The following SIK2 variants were observed in gnomAD, a reference collection of about 807,000 sequenced individuals.
SIK2 encodes serine/threonine-protein kinase SIK2.
A neutral mutation model predicts 103.2 loss-of-function variants in SIK2; 29 were observed. The observed-to-expected ratio is 0.28, with a 90% CI of 0.21 to 0.38. The LOEUF is 0.38. Among genes scored for constraint, SIK2 ranks in the 10% least tolerant of loss-of-function variants. SIK2 has a pLI of 1.00. For missense variants in SIK2, 879 were observed against 1,171.0 expected (o/e 0.75, Z 3.64); for synonymous variants, 412 against 446.1 (o/e 0.92, Z 0.96).
chr11:111,609,768 T>G (rs1941695531), intron 1 of SIK2, among the ~76,000 whole-genome samples: 1 of 152,264 alleles, frequency 6.6e-6, no homozygotes, highest in African/African-American at 2.4e-5. Context: ...TTTCAGAAAG[T>G]CTTTCATTAT....
rs1358983736 is a variant in SIK2, at chr11:111,729,797, T to TGGCCGTGCACTGAACCAGGC, written c.*5669_*5688dup. 6.6e-6 allele frequency: 1 copy of TGGCCGTGCACTGAACCAGGC among 152,298 alleles called. No homozygotes were observed. Among genetic ancestry groups the TGGCCGTGCACTGAACCAGGC allele is most frequent in the East Asian group, 1.9e-4 (1 of 5,206 alleles). The allele number at this position is 152,298 out of a possible 1,614,324, so 9.4% of individuals were successfully genotyped here. On this transcript the variant is annotated 3_prime_UTR_variant, in exon 15 of 15. Coordinates refer to ENST00000304987, the MANE Select transcript of SIK2 (RefSeq NM_015191.3). ...TCAGGTGACAGTGCAGCTGTCCAGGTGGCCGTGCACTGAACCAGGCTGAGG... is the reference window on the plus strand; with the variant it reads ...TCAGGTGACAGTGCAGCTGTCCAGGTGGCCGTGCACTGAACCAGGCGGCCGTGCACTGAACCAGGCTGAGG...
At chr11:111,697,298 G>T (rs1168539868) in intron 4 of SIK2, among the ~76,000 whole-genome samples, 1 of 152,146 alleles carries the variant, frequency 6.6e-6, no homozygotes, top group Non-Finnish European at 1.5e-5. Context: ...TTTAAGAGGT[G>T]GGAACAACAT....
chr11:111,675,889 C>T (rs146684672), intron 3 of SIK2, among the ~76,000 whole-genome samples: 33 of 152,292 alleles, frequency 2.2e-4, no homozygotes, highest in African/African-American at 7.2e-4. Flanking sequence ...CATCTTTCAA[C>T]CCTCACCCTC....
rs752894116 is a variant in SIK2, at chr11:111,687,984, C to A, written c.317-17C>A. 21 of 1,610,720 alleles carry A rather than the reference C, an allele frequency of 1.3e-5. No homozygotes were observed. In the African/African-American group the frequency reaches 2.1e-4, roughly 16 times the overall value. On this transcript the variant is annotated splice_polypyrimidine_tract_variant and intron_variant, in intron 3 of 14. Coordinates refer to ENST00000304987, the MANE Select transcript of SIK2 (RefSeq NM_015191.3). ...TTTATTTTGGTGACTAATTCTTAAT[C>A]CTCTCTTCATTTACAGACTATCTTG...
chr11:111,718,148 G>A (rs539653875), intron 9 of SIK2, among the ~76,000 whole-genome samples: 47 of 152,286 alleles, frequency 3.1e-4, no homozygotes, highest in Non-Finnish European at 4.1e-4. Context: ...GACGGAGGCC[G>A]TAAGTGTAAG....
rs113183549 is a variant in SIK2 at position 111,637,542 on chromosome 11, C to T, written c.316+17140C>T. On this transcript the variant is annotated intron_variant, in intron 3 of 14. Transcript: ENST00000304987. ...TGGCACAATCTTGGCTCATTGCAACCTCTGCCTCCCAGGTTCAAGTGATTC... is the reference window on the plus strand; with the variant it reads ...TGGCACAATCTTGGCTCATTGCAACTTCTGCCTCCCAGGTTCAAGTGATTC... 4.8e-3 allele frequency among the ~76,000 whole-genome samples: 723 copies of T among 150,848 alleles called. 4 individuals carry two copies. The highest frequency in any genetic ancestry group is 0.017 in the African/African-American group (696 of 40,758).
intron 10 of SIK2, among the ~76,000 whole-genome samples, chr11:111,720,234 G>A (rs886882481): frequency 2.0e-5 from 3 of 152,186 alleles, no homozygotes; most frequent in Non-Finnish European, 4.4e-5. Context: ...TGGGTGCCAC[G>A]TGATTGATCA....
chr11:111,724,865 G>A lies in SIK2; in HGVS notation c.*736G>A, dbSNP rs1943919442. The A allele has an allele frequency of 6.6e-6, 1 of 152,272 alleles. No homozygotes were observed. Among genetic ancestry groups the A allele is most frequent in the Non-Finnish European group, 1.5e-5 (1 of 68,100 alleles). 9.4% of individuals were successfully genotyped at this position (152,272 alleles called of 1,614,324 possible). A position where few individuals can be genotyped will look rare whatever the true frequency, so the allele number is the denominator to read the frequency against. ...CTCCAGAGGTGTCACACGTGGAACTGACAGGAGACCCGCCACCGTGGAGGC... is the reference window on the plus strand; with the variant it reads ...CTCCAGAGGTGTCACACGTGGAACTAACAGGAGACCCGCCACCGTGGAGGC... On this transcript the variant is annotated 3_prime_UTR_variant, in exon 15 of 15. Coordinates refer to ENST00000304987, the MANE Select transcript of SIK2 (RefSeq NM_015191.3).
intron 3 of SIK2, among the ~76,000 whole-genome samples, chr11:111,653,386 G>A (rs533694666): frequency 1.3e-5 from 2 of 152,288 alleles, no homozygotes; most frequent in African/African-American, 4.8e-5. Flanking sequence ...TTTCTCCTAA[G>A]CTCAGAAATG....
Position 111,723,817 on chromosome 11 carries a change from GCCACCGCCACCACCCCCTCCA to G in SIK2, c.2475_2495del (p.Pro826_Pro832del), listed in dbSNP as rs1943879899. The stretch of plus-strand genomic sequence containing the variant: ...CCACGCAGCTACAGCAGCAGCAGCC[GCCACCGCCACCACCCCCTCCA>G]CCACCACGACAGCCAGGAGCTGCCC... On this transcript the variant is annotated inframe_deletion, in exon 15 of 15. Transcript: ENST00000304987. 6.2e-7 allele frequency: 1 copy of G among 1,612,796 alleles called. No homozygotes were observed. The highest frequency in any genetic ancestry group is 1.7e-5 in the Admixed American group (1 of 59,984).
intron 3 of SIK2, among the ~76,000 whole-genome samples, chr11:111,660,342 G>A (rs1214109152): frequency 6.6e-6 from 1 of 151,968 alleles, no homozygotes; most frequent in Admixed American, 6.6e-5. Flanking sequence ...TATGCACCGT[G>A]TATAAGCTCT....
At chr11:111,647,620 CT>C (rs1049482552) in intron 3 of SIK2, among the ~76,000 whole-genome samples, 3 of 142,372 alleles carry the variant, frequency 2.1e-5, no homozygotes, top group African/African-American at 7.9e-5. Context: ...AATCCCAGCA[CT>C]TTGGGAGGCT....
In SIK2 at chr11:111,720,019, G is replaced by C; in HGVS notation, c.1495+16G>C. On this transcript the variant is annotated intron_variant, in intron 10 of 14. Transcript: ENST00000304987. The stretch of plus-strand genomic sequence containing the variant: ...CCTGGGGCAGGTACGGTAGAGGAGC[G>C]ACACTAGCTTGAGTCTTCATGGCAT... 1 of 1,604,742 alleles carries C rather than the reference G, an allele frequency of 6.2e-7. No homozygotes were observed. Among genetic ancestry groups the C allele is most frequent in the Non-Finnish European group, 8.5e-7 (1 of 1,175,168 alleles).
chr11:111,649,645 G>T (rs1942302887), intron 3 of SIK2, among the ~76,000 whole-genome samples: 1 of 151,992 alleles, frequency 6.6e-6, no homozygotes, highest in South Asian at 2.1e-4. Flanking sequence ...GTTCATTCAT[G>T]AGGATTAAGC....
At position 111,701,037 on chromosome 11, in the gene SIK2, A is replaced by G. The variant is rs143962729; in HGVS notation, c.603+27A>G. 366 of 1,611,168 alleles carry G rather than the reference A, an allele frequency of 2.3e-4. No individual in the cohort carries two copies. The highest frequency in any genetic ancestry group is 3.0e-4 in the Non-Finnish European group (358 of 1,177,874). On this transcript the variant is annotated intron_variant, in intron 5 of 14. Transcript: ENST00000304987. The surrounding 1 kb of genome is among the most constrained non-coding windows in gnomAD (Gnocchi z 4.2). The stretch of plus-strand genomic sequence containing the variant: ...TACTGCTTTGCTTTGCTGTGTTGTT[A>G]AATGCATCTATACTGATAATACTTG...
chr11:111,647,613 C>A (rs1227534028), intron 3 of SIK2, among the ~76,000 whole-genome samples: 1 of 147,772 alleles, frequency 6.8e-6, no homozygotes, highest in Admixed American at 6.8e-5. Flanking sequence ...AGCCTGTAAT[C>A]CCAGCACTTT....
intron 3 of SIK2, among the ~76,000 whole-genome samples, chr11:111,646,168 G>A (rs1942253412): frequency 6.6e-6 from 1 of 151,700 alleles, no homozygotes; most frequent in Admixed American, 6.6e-5. Flanking sequence ...TACTCAGCTT[G>A]GCCGGGCATG....
chr11:111,721,686 A>T, intron 12 of SIK2, 144 bp from the exon 13 acceptor site: 1 of 572,286 alleles, frequency 1.7e-6, no homozygotes, highest in African/African-American at 1.9e-5. Flanking sequence ...CCCTCAGCCT[A>T]CTGGCTCTGT....
chr11:111,716,022 G>A (rs954588107), intron 9 of SIK2, among the ~76,000 whole-genome samples: 31 of 151,986 alleles, frequency 2.0e-4, no homozygotes, highest in African/African-American at 6.3e-4. Flanking sequence ...GGCTGGTCTC[G>A]AACTCCTGTC....
Sources: allele counts gnomAD v4.1 joint callset (sites outside exome capture counted in the v4.1 genomes callset), GRCh38; gene constraint gnomAD v4.1.1; non-coding constraint Gnocchi (gnomAD v3.1); transcripts MANE v1.5; gene names NCBI Gene and HGNC (gene_info 2026-07-23, HGNC 2026-07-21).